The following C1QTNF1 variants were observed in gnomAD, a reference collection of about 807,000 sequenced individuals.
C1QTNF1 encodes C1q and TNF related 1, also known as complement C1q tumor necrosis factor-related protein 1.
In C1QTNF1, 22 loss-of-function variants were observed where a neutral mutation model predicts 27.8. That is an observed-to-expected ratio of 0.79 (90% CI 0.56 to 1.13). C1QTNF1 has a LOEUF of 1.13. C1QTNF1 is among the 50% of genes most tolerant of loss of function. The probability of loss-of-function intolerance (pLI) is 0.00; values close to 1 mark genes in which losing one functional copy is unlikely to be tolerated. For missense variants in C1QTNF1, 373 were observed against 380.2 expected, an observed-to-expected ratio of 0.98 and a Z score of 0.16; for synonymous variants, 166 against 154.3, an observed-to-expected ratio of 1.08 and a Z score of -0.56.
At chr17:79,034,004 T>C (rs2091887643) in intron 1 of C1QTNF1, among the ~76,000 whole-genome samples, 1 of 152,200 alleles carries the variant, frequency 6.6e-6, no homozygotes, top group South Asian at 2.1e-4. Flanking sequence ...ATTATATTCC[T>C]GACCTAGAAG....
At position 79,047,873 on chromosome 17, in the gene C1QTNF1, A is replaced by G. The variant is rs537928727; in HGVS notation, c.631A>G (p.Ile211Val). 30 of 1,614,188 alleles carry G rather than the reference A, an allele frequency of 1.9e-5. 1 individual carries two copies. The South Asian group carries it at 3.2e-4, about 17-fold the overall frequency. ...GAACCAGAAGGAGACCTACCTGCAC[A>G]TCATGAAGAACGAGGAGGAGGTGGT... ...TWNQKETYLH[I>V]MKNEEEVVIL... The change falls in exon 4 of 4, where the codon ATC becomes GTC. Residue 211 changes from isoleucine to valine, a missense_variant. Transcript: ENST00000579760.
rs145096923 is a variant in C1QTNF1, at chr17:79,033,590, C to T, written c.-15+9096C>T. On this transcript the variant is annotated intron_variant, in intron 1 of 3. Transcript: ENST00000579760. The stretch of plus-strand genomic sequence containing the variant: ...ATGTGGTGGCATGTGCTTGTAGTTC[C>T]AGCTACCCGGGAGGCTGAGATGGGA... Among the ~76,000 whole-genome samples the T allele has an allele frequency of 1.4e-3, 210 of 151,858 alleles. 1 individual carries two copies. Among genetic ancestry groups the T allele is most frequent in the African/African-American group, 4.8e-3 (197 of 41,364 alleles).
At position 79,048,008 on chromosome 17, in the gene C1QTNF1, G is replaced by A. The variant is rs2072645318; in HGVS notation, c.766G>A (p.Glu256Lys). 1 of 1,610,128 alleles carries A rather than the reference G, an allele frequency of 6.2e-7. No homozygotes were observed. The highest frequency in any genetic ancestry group is 1.7e-5 in the Admixed American group (1 of 59,864). ...VWVRLYKGER[E>K]NAIFSEELDT... ...GGTACGCCTCTACAAGGGCGAACGT[G>A]AGAACGCCATCTTCAGCGAGGAGCT... is the stretch of plus-strand genomic sequence containing the variant. Residue 256 changes from glutamate to lysine, a missense_variant, in exon 4 of 4, where the codon GAG (glutamate) becomes AAG (lysine). Coordinates refer to ENST00000579760, the MANE Select transcript of C1QTNF1 (RefSeq NM_030968.5).
At chr17:79,023,157 A>G (rs920932575), upstream of C1QTNF1, 3 of 152,190 alleles carry the variant, frequency 2.0e-5, no homozygotes, top group Non-Finnish European at 4.4e-5. Flanking sequence ...CTGTTTGTCC[A>G]GAGACAGACC....
chr17:79,025,856 C>A, intron 1 of C1QTNF1: 4 of 417,580 alleles, frequency 9.6e-6, no homozygotes, highest in Non-Finnish European at 1.5e-5. Flanking sequence ...CTAGAGTCCA[C>A]CCAACAACAA....
In C1QTNF1 at chr17:79,049,761, C is replaced by G. The variant is rs2072705310; in HGVS notation, c.*1673C>G. The G allele has an allele frequency of 6.6e-6, 1 of 152,268 alleles. No individual in the cohort carries two copies. Among genetic ancestry groups the G allele is most frequent in the South Asian group, 2.1e-4 (1 of 4,840 alleles). The allele number at this position is 152,268 out of a possible 1,614,324, so 9.4% of individuals were successfully genotyped here. On this transcript the variant is annotated 3_prime_UTR_variant, in exon 4 of 4. Coordinates refer to ENST00000579760, the MANE Select transcript of C1QTNF1 (RefSeq NM_030968.5). This position sits in a 1 kb window ranked among gnomAD's most constrained non-coding sequence, Gnocchi z 4.4. ...AGCTCCCCCAGCTCTTTCCAGAAAA[C>G]ATTAAACTCAGAATTGTGTTTTCAG...
At chr17:79,023,609 C>T (rs1054115721), upstream of C1QTNF1, among the ~76,000 whole-genome samples, 2 of 152,216 alleles carry the variant, frequency 1.3e-5, no homozygotes, top group Non-Finnish European at 2.9e-5. Flanking sequence ...GAAATCTTCC[C>T]GGCAGGGGCT....
chr17:79,028,791 G>A (rs564418671), intron 1 of C1QTNF1, among the ~76,000 whole-genome samples: 1 of 152,278 alleles, frequency 6.6e-6, no homozygotes, highest in Admixed American at 6.5e-5. Flanking sequence ...TTCAGAGCTT[G>A]CCAGCATGCT....
At position 79,048,942 on chromosome 17, in the gene C1QTNF1, C is replaced by T. The variant is rs1275130715; in HGVS notation, c.*854C>T. ...GCTCCACCCCTGTGCCACCCCAGAG[C>T]CCTGGGGGGTGGTCTCCATGCCTGC... is the stretch of plus-strand genomic sequence containing the variant. On this transcript the variant is annotated 3_prime_UTR_variant, in exon 4 of 4. Transcript: ENST00000579760. 6.6e-6 allele frequency: 1 copy of T among 152,156 alleles called. No individual in the cohort carries two copies. The highest frequency in any genetic ancestry group is 3.4e-3 in the Middle Eastern group (1 of 294). The allele number at this position is 152,156 out of a possible 1,614,324, so 9.4% of individuals were successfully genotyped here.
intron 1 of C1QTNF1, among the ~76,000 whole-genome samples, chr17:79,032,062 G>C (rs1178704385): frequency 6.6e-6 from 1 of 152,230 alleles, no homozygotes; most frequent in African/African-American, 2.4e-5. Flanking sequence ...TTGAGAGTTA[G>C]ACACCGGATG....
At chr17:79,034,395 T>C (rs955292177) in intron 1 of C1QTNF1, 1 of 152,298 alleles carries the variant, frequency 6.6e-6, no homozygotes, top group Non-Finnish European at 1.5e-5. Flanking sequence ...GAAATCTTTG[T>C]TTCCACTGGG....
rs143334812 is a variant in C1QTNF1 at position 79,043,906 on chromosome 17, C to T, written c.-14-49C>T. 2.4e-3 allele frequency: 3,889 copies of T among 1,601,718 alleles called. 23 individuals carry two copies. The highest frequency in any genetic ancestry group is 0.019 in the Middle Eastern group (115 of 6,046). Reference sequence around the variant, plus strand: ...CCAATTTTCAGGCTGTTTCTCTGTGCAGCTCCTTCCTAACTCGGTGCCTTC... The same window carrying T: ...CCAATTTTCAGGCTGTTTCTCTGTGTAGCTCCTTCCTAACTCGGTGCCTTC... On this transcript the variant is annotated intron_variant, in intron 1 of 3. Transcript: ENST00000579760.
Position 79,048,238 on chromosome 17 carries a change from T to A in C1QTNF1, c.*150T>A, listed in dbSNP as rs2145938943. The A allele has an allele frequency of 2.6e-6, 2 of 776,474 alleles. No individual in the cohort carries two copies. The highest frequency in any genetic ancestry group is 3.5e-5 in the African/African-American group (2 of 57,050). The allele number at this position is 776,474 out of a possible 1,614,324, so 48.1% of individuals were successfully genotyped here. A position where few individuals can be genotyped will look rare whatever the true frequency, so the allele number is the denominator to read the frequency against. On this transcript the variant is annotated 3_prime_UTR_variant, in exon 4 of 4. Transcript: ENST00000579760. Reference sequence around the variant, plus strand: ...CACAGAAAGCCAAAGCGATCGGTGCTCCCAGATCCCGCAGCCTCTGGAGAG... The same window carrying A: ...CACAGAAAGCCAAAGCGATCGGTGCACCCAGATCCCGCAGCCTCTGGAGAG...
In C1QTNF1 at chr17:79,043,839, G is replaced by A. The variant is rs751671435; in HGVS notation, c.-14-116G>A. Reference sequence around the variant, plus strand: ...TAACTGCAGCATTTCCCAGTGGCGTGAGGCTGGGGAAGCACCTCCGATTTC... The same window carrying A: ...TAACTGCAGCATTTCCCAGTGGCGTAAGGCTGGGGAAGCACCTCCGATTTC... On this transcript the variant is annotated intron_variant, in intron 1 of 3. Coordinates refer to ENST00000579760, the MANE Select transcript of C1QTNF1 (RefSeq NM_030968.5). 5 of 1,112,030 alleles carry A rather than the reference G, an allele frequency of 4.5e-6. No homozygotes were observed. The Admixed American group carries it at 8.8e-5, about 20-fold the overall frequency. 68.9% of individuals were successfully genotyped at this position (1,112,030 alleles called of 1,614,324 possible).
intron 1 of C1QTNF1, among the ~76,000 whole-genome samples, chr17:79,031,598 C>T (rs1017445404): frequency 1.3e-5 from 2 of 152,186 alleles, no homozygotes; most frequent in Non-Finnish European, 2.9e-5. Flanking sequence ...AGGCATGTGC[C>T]ATGCCTGGCT....
chr17:79,030,267 G>A (rs59082391), intron 1 of C1QTNF1, among the ~76,000 whole-genome samples: 1,931 of 152,090 alleles, frequency 0.013, 54 homozygotes, highest in African/African-American at 0.043. Flanking sequence ...TTTCATCACC[G>A]CAGATAATTG....
chr17:79,038,126 A>G (rs1599293826), intron 1 of C1QTNF1, among the ~76,000 whole-genome samples: 2 of 151,806 alleles, frequency 1.3e-5, no homozygotes, highest in African/African-American at 4.8e-5. Flanking sequence ...AGTAGCTGGG[A>G]CTACAGGTGC....
Position 79,047,932 on chromosome 17 carries a change from C to A in C1QTNF1, c.690C>A (p.Ile230=). 1 of 1,614,074 alleles carries A rather than the reference C, an allele frequency of 6.2e-7. No individual in the cohort carries two copies. The part of the protein sequence containing the change: ...ILFAQVGDRS[I]MQSQSLMLEL... The stretch of plus-strand genomic sequence containing the variant: ...TCGCGCAGGTGGGCGACCGCAGCAT[C>A]ATGCAAAGCCAGAGCCTGATGCTGG... The change falls in exon 4 of 4, where the codon ATC becomes ATA. Residue 230 remains isoleucine, a synonymous_variant. Coordinates refer to ENST00000579760, the MANE Select transcript of C1QTNF1 (RefSeq NM_030968.5).
intron 1 of C1QTNF1, among the ~76,000 whole-genome samples, chr17:79,029,597 A>G (rs1227177917): frequency 6.6e-6 from 1 of 152,206 alleles, no homozygotes; most frequent in Non-Finnish European, 1.5e-5. Flanking sequence ...TCCTGGGTCC[A>G]GGAACATGCT....
Sources: allele counts gnomAD v4.1 joint callset (sites outside exome capture counted in the v4.1 genomes callset), GRCh38; gene constraint gnomAD v4.1.1; non-coding constraint Gnocchi (gnomAD v3.1); transcripts MANE v1.5; gene names NCBI Gene and HGNC (gene_info 2026-07-23, HGNC 2026-07-21).